RBM10: variants seen among roughly 807,000 people sequenced by gnomAD.
RBM10 encodes RNA binding motif protein 10, also known as RNA-binding protein 10.
In RBM10, 1 loss-of-function variant was observed where a neutral mutation model predicts 84.9. The observed-to-expected ratio is 0.01, with a 90% CI of 0.00 to 0.06. The LOEUF is 0.06. Ranked by LOEUF, RBM10 falls within the 10% of genes least tolerant of loss-of-function variation. The pLI is 1.00. For missense variants in RBM10, 438 were observed against 839.0 expected (o/e 0.52, Z 5.90); for synonymous variants, 326 against 344.5 (o/e 0.95, Z 0.60).
chrX:47,150,313 C>T (rs1388296983), intron 2 of RBM10, among the ~76,000 whole-genome samples: 5 of 110,338 alleles, frequency 4.5e-5, no homozygotes, highest in African/African-American at 6.6e-5. Context: ...GTGCTACAGG[C>T]GCCCGCCACC....
chrX:47,172,081 GT>G (rs1214488414), intron 4 of RBM10, among the ~76,000 whole-genome samples: 3 of 112,511 alleles, frequency 2.7e-5, no homozygotes, highest in African/African-American at 9.7e-5. Flanking sequence ...GGTGGGCCAT[GT>G]GTTAGGTATG....
intron 17 of RBM10, 116 bp from the exon 18 acceptor site, chrX:47,184,939 A>G (rs1556781362): frequency 1.1e-6 from 1 of 897,903 alleles, no homozygotes; most frequent in Non-Finnish European, 1.6e-6. Flanking sequence ...AGTGGTTCGG[A>G]CTAGGGATAG....
intron 2 of RBM10, among the ~76,000 whole-genome samples, chrX:47,148,975 CAT>C (rs1932540243): frequency 9.3e-6 from 1 of 107,519 alleles, no homozygotes; most frequent in African/African-American, 3.4e-5. Flanking sequence ...ATAGATTTAT[CAT>C]ATAGATCATT....
At chrX:47,155,691 A>G (rs1210819299) in intron 2 of RBM10, among the ~76,000 whole-genome samples, 15 of 96,871 alleles carry the variant, frequency 1.5e-4, no homozygotes, top group African/African-American at 4.9e-4. Context: ...CGAGATCGCC[A>G]CTGCACTCCA....
intron 2 of RBM10, among the ~76,000 whole-genome samples, chrX:47,152,448 T>G (rs985143726): frequency 4.4e-5 from 4 of 90,235 alleles, no homozygotes; most frequent in African/African-American, 1.7e-4. Context: ...TATCTTTTTT[T>G]TTTTTTTTTT....
intron 5 of RBM10, 136 bp downstream of exon 5, chrX:47,173,333 C>T: frequency 1.7e-6 from 2 of 1,151,268 alleles, no homozygotes; most frequent in South Asian, 3.8e-5. Context: ...TGGGGGGTGC[C>T]CTCTCTTCTC....
chrX:47,181,112 A>C, intron 12 of RBM10, 103 bp from the exon 13 acceptor site: 114 of 487,975 alleles, frequency 2.3e-4, no homozygotes, highest in Non-Finnish European at 2.9e-4. Flanking sequence ...TCTGTCAGGT[A>C]GAAATACTAG....
At chrX:47,174,948 G>GC in intron 5 of RBM10, 71 bp from the exon 6 acceptor site, 1 of 901,144 alleles carries the variant, frequency 1.1e-6, no homozygotes, top group Non-Finnish European at 1.6e-6. Context: ...CTCGGGTCCC[G>GC]CCCCCGGGAA....
intron 5 of RBM10, among the ~76,000 whole-genome samples, 185 bp downstream of exon 5, chrX:47,173,382 G>A (rs1934822237): frequency 8.9e-6 from 1 of 111,959 alleles, no homozygotes; most frequent in Admixed American, 9.4e-5. Flanking sequence ...CCAGCCAAAA[G>A]CCTCTTCAAT....
rs2147177078 is a variant in RBM10 at position 47,180,245 on chromosome X, C to T, written c.1096C>T (p.Leu366=). The T allele has an allele frequency of 1.7e-6, 2 of 1,204,525 alleles. No individual in the cohort carries two copies. The highest frequency in any genetic ancestry group is 2.2e-6 in the Non-Finnish European group (2 of 891,530). The change falls in exon 11 of 24, where the codon CTG becomes TTG. Residue 366 remains leucine, a synonymous_variant. Coordinates refer to ENST00000377604, the MANE Select transcript of RBM10 (RefSeq NM_005676.5). ...AAQLLQILQA[L]HPPLTIDGKT... The stretch of plus-strand genomic sequence containing the variant: ...CCAGCTGCTGCAGATCCTGCAGGCC[C>T]TGCACCCACCACTCACTATCGACGG...
intron 7 of RBM10, among the ~76,000 whole-genome samples, 162 bp downstream of exon 7, chrX:47,176,748 C>T (rs1556776482): frequency 1.9e-5 from 2 of 105,881 alleles, no homozygotes. Flanking sequence ...CTCTCTCATT[C>T]TCTATCCCTT....
chrX:47,155,803 T>G (rs1228536722), intron 2 of RBM10, among the ~76,000 whole-genome samples: 10 of 104,402 alleles, frequency 9.6e-5, no homozygotes, highest in Non-Finnish European at 1.6e-4. Flanking sequence ...TTTTTTTTCT[T>G]CTTTCTTTCT....
At chrX:47,147,332 C>G (rs782253872) in intron 1 of RBM10, 25 bp from the exon 2 acceptor site, 14 of 1,170,831 alleles carry the variant, frequency 1.2e-5, no homozygotes, top group Non-Finnish European at 1.6e-5. Context: ...AGTTTTGACC[C>G]CTTTCTTCCC....
intron 2 of RBM10, among the ~76,000 whole-genome samples, chrX:47,152,276 C>T (rs1302622858): frequency 9.1e-6 from 1 of 110,189 alleles, no homozygotes; most frequent in African/African-American, 3.3e-5. Context: ...TGAGCTATAC[C>T]CCACTTGATC....
Position 47,165,204 on chromosome X carries a change from T to C in RBM10, c.18-4111T>C, listed in dbSNP as rs1321367543. Among the ~76,000 whole-genome samples, 3 of 111,810 alleles carry C rather than the reference T, an allele frequency of 2.7e-5. No homozygotes were observed. The Admixed American group carries it at 2.9e-4, about 11-fold the overall frequency. On this transcript the variant is annotated intron_variant, in intron 2 of 23. Transcript: ENST00000377604. ...TGCATAACATTGTCAGTATACTTAATGCCACTGAATTAGATAATTAAGAAT... is the reference window on the plus strand; with the variant it reads ...TGCATAACATTGTCAGTATACTTAACGCCACTGAATTAGATAATTAAGAAT...
intron 2 of RBM10, among the ~76,000 whole-genome samples, chrX:47,150,427 CA>C (rs1215308702): frequency 8.9e-6 from 1 of 111,974 alleles, no homozygotes; most frequent in East Asian, 2.8e-4. Flanking sequence ...CTTGGCCTCC[CA>C]AAATGCTAGG....
In RBM10 at chrX:47,185,362, C is replaced by T. The variant is rs782568450; in HGVS notation, c.2161C>T (p.Arg721Cys). Residue 721 changes from arginine to cysteine, a missense_variant, in exon 19 of 24, where the codon CGC becomes TGC. This residue lies in a region of RBM10 where 92 missense variants were observed against 199.9 expected (regional missense o/e 0.46). Coordinates refer to ENST00000377604, the MANE Select transcript of RBM10 (RefSeq NM_005676.5). ...TCTCCCGAAATTGGCCAGTGACGAC[C>T]GCCCAGTGAGTGCCCAAGGCAGAGA... ...MDLPKLASDD[R>C]PSPPRGLVAA... 4.2e-6 allele frequency: 5 copies of T among 1,198,999 alleles called. No homozygotes were observed. The highest frequency in any genetic ancestry group is 2.2e-5 in the Admixed American group (1 of 44,629).
At chrX:47,184,345 G>C (rs1180456393) in intron 17 of RBM10, among the ~76,000 whole-genome samples, 3 of 111,548 alleles carry the variant, frequency 2.7e-5, no homozygotes, top group African/African-American at 9.8e-5. Flanking sequence ...TAGCCAGGCT[G>C]GTCTCAAACT....
At chrX:47,150,163 TTTTG>T (rs201979048) in intron 2 of RBM10, among the ~76,000 whole-genome samples, 17 of 109,379 alleles carry the variant, frequency 1.6e-4, no homozygotes, top group East Asian at 8.7e-4. Context: ...GTATAGTGTT[TTTTG>T]TTTGTTTGTT....
Sources: gnomAD v4.1 joint callset for allele counts (sites outside exome capture counted in the v4.1 genomes callset) on GRCh38, gnomAD v4.1.1 for gene constraint, gnomAD v4.1.1 regional missense constraint, MANE v1.5 for transcripts, NCBI Gene and HGNC (gene_info 2026-07-23, HGNC 2026-07-21) for gene names.